The following TNNI3K variants were observed in gnomAD, a reference collection of about 807,000 sequenced individuals.
The protein encoded by TNNI3K is TNNI3 interacting kinase.
Under a neutral mutation model 114.5 loss-of-function variants are expected in TNNI3K, and 140 were observed. The ratio of observed to expected loss-of-function variants is 1.22; its 90% confidence interval spans 1.07 to 1.41. The LOEUF is 1.41. Ranked by LOEUF, TNNI3K falls within the 40% of genes most tolerant of loss-of-function variation. TNNI3K has a pLI of 0.00. For missense variants in TNNI3K, 1,125 were observed against 1,007.6 expected (o/e 1.12, Z -1.58); for synonymous variants, 347 against 347.5 (o/e 1.00, Z 0.02).
At chr1:74,369,331 GC>G in intron 15 of TNNI3K, 59 bp from the exon 16 acceptor site, 1 of 1,606,548 alleles carries the variant, frequency 6.2e-7, no homozygotes, top group South Asian at 1.1e-5. Flanking sequence ...CATGTGCATG[GC>G]AAGCCCCTTG....
chr1:74,331,798 ATCAG>A (rs1298233624), intron 6 of TNNI3K, among the ~76,000 whole-genome samples: 2 of 152,178 alleles, frequency 1.3e-5, no homozygotes, highest in Admixed American at 1.3e-4. Flanking sequence ...GGCCTCAGGA[ATCAG>A]TCAGCCTAAA....
intron 5 of TNNI3K, among the ~76,000 whole-genome samples, chr1:74,281,573 A>G (rs997700366): frequency 6.6e-6 from 1 of 152,126 alleles, no homozygotes; most frequent in African/African-American, 2.4e-5. Flanking sequence ...TCTGTTTCAG[A>G]GCAAATTCTT....
intron 20 of TNNI3K, among the ~76,000 whole-genome samples, chr1:74,459,091 G>A (rs1174459015): frequency 2.0e-5 from 3 of 152,070 alleles, no homozygotes; most frequent in African/African-American, 7.2e-5. Flanking sequence ...AATCAACTTA[G>A]GTGCACATCA....
rs199608014 is a variant in TNNI3K at position 74,492,120 on chromosome 1, C to T, written c.2205C>T (p.Asn735=). 1 of 1,609,568 alleles carries T rather than the reference C, an allele frequency of 6.2e-7. No homozygotes were observed. Among genetic ancestry groups the T allele is most frequent in the Non-Finnish European group, 8.5e-7 (1 of 1,176,796 alleles). ...NIELMSPASS[N]SSGSLSPSSS... is the part of the protein sequence containing the mutation. Reference sequence around the variant, plus strand: ...AGCTGATGTCTCCTGCATCAAGTAACAGCAGTGGGTCTCTCTCACCTTCTT... The same window carrying T: ...AGCTGATGTCTCCTGCATCAAGTAATAGCAGTGGGTCTCTCTCACCTTCTT... Residue 735 remains asparagine, a synonymous_variant, in exon 23 of 25, where the codon AAC becomes AAT. Coordinates refer to ENST00000326637, the MANE Select transcript of TNNI3K (RefSeq NM_015978.3).
At chr1:74,480,517 C>T in intron 21 of TNNI3K, 1 of 717,508 alleles carries the variant, frequency 1.4e-6, no homozygotes, top group Non-Finnish European at 2.6e-6. Flanking sequence ...GTAGTTGAGG[C>T]AGGGGCCGGA....
At chr1:74,247,939 C>T (rs142271055) in intron 2 of TNNI3K, among the ~76,000 whole-genome samples, 6,811 of 151,880 alleles carry the variant, frequency 0.045, 193 homozygotes, top group Non-Finnish European at 0.055. Context: ...GACTGGGCAC[C>T]GTGGAGCAGG....
chr1:74,276,586 A>T (rs950030634), intron 5 of TNNI3K, among the ~76,000 whole-genome samples: 3 of 152,018 alleles, frequency 2.0e-5, no homozygotes, highest in Non-Finnish European at 1.5e-5. Flanking sequence ...TTCCACTCCT[A>T]TTTTTTATTA....
chr1:74,406,275 A>G (rs1225554943), intron 17 of TNNI3K, among the ~76,000 whole-genome samples: 1 of 152,238 alleles, frequency 6.6e-6, no homozygotes, highest in East Asian at 1.9e-4. Context: ...AATGTGGCCC[A>G]ACAAAAATGT....
chr1:74,471,601 A>C, intron 21 of TNNI3K: 1 of 400,760 alleles, frequency 2.5e-6, no homozygotes, highest in Non-Finnish European at 4.4e-6. Context: ...TTTAACATCC[A>C]ACTTAGTCAG....
chr1:74,283,358 A>C (rs1466115875), intron 5 of TNNI3K, among the ~76,000 whole-genome samples: 1 of 152,182 alleles, frequency 6.6e-6, no homozygotes, highest in East Asian at 1.9e-4. Flanking sequence ...ATCATGTATT[A>C]TTATCAGTTA....
intron 2 of TNNI3K, among the ~76,000 whole-genome samples, chr1:74,248,114 G>A (rs1318877217): frequency 6.6e-6 from 1 of 152,112 alleles, no homozygotes; most frequent in Non-Finnish European, 1.5e-5. Flanking sequence ...TGGCAGTGCT[G>A]GGGGACCCGG....
intron 5 of TNNI3K, among the ~76,000 whole-genome samples, chr1:74,314,365 A>T (rs1659176953): frequency 6.6e-6 from 1 of 152,002 alleles, no homozygotes; most frequent in Non-Finnish European, 1.5e-5. Context: ...ATTTTCTTTA[A>T]CAAAGAACAT....
chr1:74,340,435 C>T (rs1660695499), intron 7 of TNNI3K, among the ~76,000 whole-genome samples: 1 of 151,942 alleles, frequency 6.6e-6, no homozygotes. Flanking sequence ...GCAAATTGGT[C>T]GAAGACAAAA....
In TNNI3K at chr1:74,346,007, C is replaced by G. The variant is rs561815291; in HGVS notation, c.932+2828C>G. 2.0e-5 allele frequency: 3 copies of G among 152,250 alleles called. No individual in the cohort carries two copies. The East Asian group carries it at 5.8e-4, about 29-fold the overall frequency. The allele number at this position is 152,250 out of a possible 1,614,324, so 9.4% of individuals were successfully genotyped here. On this transcript the variant is annotated intron_variant, in intron 9 of 24. Transcript: ENST00000326637. ...ATTAATTTTTCCACAAATACTTTCT[C>G]ACACCTGGAAAGAACTGATAATGAA... is the stretch of plus-strand genomic sequence containing the variant.
intron 22 of TNNI3K, among the ~76,000 whole-genome samples, chr1:74,489,635 A>C (rs1404148426): frequency 6.6e-6 from 1 of 152,234 alleles, no homozygotes; most frequent in Non-Finnish European, 1.5e-5. Context: ...ATGCGAAAAG[A>C]AAAATTATCA....
Position 74,250,787 on chromosome 1 carries a change from C to CTGT in TNNI3K, c.333+18_333+19insTGT. 6.3e-7 allele frequency: 1 copy of CTGT among 1,581,544 alleles called. No individual in the cohort carries two copies. Among genetic ancestry groups the CTGT allele is most frequent in the Non-Finnish European group, 8.6e-7 (1 of 1,164,818 alleles). ...TTTACAAGGTAGGACACTTTAATTCCCATAAACACTGCATTGGAACTAAGG... is the reference window on the plus strand; with the variant it reads ...TTTACAAGGTAGGACACTTTAATTCCTGTCATAAACACTGCATTGGAACTAAGG... On this transcript the variant is annotated intron_variant, in intron 4 of 24. Transcript: ENST00000326637.
intron 20 of TNNI3K, among the ~76,000 whole-genome samples, chr1:74,456,110 G>A (rs1667213122): frequency 6.6e-6 from 1 of 152,200 alleles, no homozygotes; most frequent in Non-Finnish European, 1.5e-5. Context: ...TGGAAGCAGG[G>A]AAATCAGTTC....
At chr1:74,342,796 C>G in intron 7 of TNNI3K, 46 bp from the exon 8 acceptor site, 1 of 1,607,824 alleles carries the variant, frequency 6.2e-7, no homozygotes, top group Non-Finnish European at 8.5e-7. Context: ...GGTTGAGAAA[C>G]AAACAATTCT....
chr1:74,451,502 A>G (rs1357972937), intron 20 of TNNI3K, among the ~76,000 whole-genome samples: 3 of 151,924 alleles, frequency 2.0e-5, no homozygotes, highest in Non-Finnish European at 4.4e-5. Flanking sequence ...TACTAAATTT[A>G]CTTCTCCATC....
Sources: gnomAD v4.1 joint callset for allele counts (sites outside exome capture counted in the v4.1 genomes callset) on GRCh38, gnomAD v4.1.1 for gene constraint, MANE v1.5 for transcripts, NCBI Gene and HGNC (gene_info 2026-07-23, HGNC 2026-07-21) for gene names.